The following CNTLN variants were observed in gnomAD, a reference collection of about 807,000 sequenced individuals.
The protein encoded by CNTLN is centlein, also known as centlein, centrosomal protein.
A neutral mutation model predicts 180.0 loss-of-function variants in CNTLN; 212 were observed. The ratio of observed to expected loss-of-function variants is 1.18; its 90% CI spans 1.05 to 1.32. CNTLN has a LOEUF of 1.32. Among genes scored for constraint, CNTLN ranks in the 40% most tolerant of loss-of-function variants. The pLI is 0.00. For synonymous variants in CNTLN, 722 were observed against 563.1 expected (o/e 1.28, Z -3.99); for missense variants, 2,095 against 1,610.9 (o/e 1.30, Z -5.14).
At chr9:17,460,161 G>A (rs1831367489) in intron 19 of CNTLN, among the ~76,000 whole-genome samples, 2 of 151,454 alleles carry the variant, frequency 1.3e-5, no homozygotes, top group African/African-American at 2.4e-5. Context: ...TTACAGTTGA[G>A]AAAACTGAGA....
chr9:17,135,482 G>T, intron 1 of CNTLN, 57 bp downstream of exon 1: 1 of 1,528,882 alleles, frequency 6.5e-7, no homozygotes, highest in South Asian at 1.3e-5. Flanking sequence ...GGGACCCGTG[G>T]GGAGGCGCGC....
intron 5 of CNTLN, among the ~76,000 whole-genome samples, chr9:17,270,987 G>C (rs1827900324): frequency 1.6e-5 from 2 of 126,974 alleles, no homozygotes; most frequent in South Asian, 4.8e-4. Flanking sequence ...GTCTTGCTCT[G>C]TCGCCCAGGC....
At chr9:17,432,650 A>G (rs1225497420) in intron 18 of CNTLN, among the ~76,000 whole-genome samples, 2 of 152,170 alleles carry the variant, frequency 1.3e-5, no homozygotes, top group South Asian at 2.1e-4. Context: ...ACCATAAGAC[A>G]GTAGAACAGA....
chr9:17,363,423 C>T (rs539152428), intron 12 of CNTLN, among the ~76,000 whole-genome samples: 6 of 152,106 alleles, frequency 3.9e-5, no homozygotes, highest in South Asian at 2.1e-4. Flanking sequence ...TTCTAACTGG[C>T]GTGAGATGGT....
chr9:17,440,868 T>C (rs952951977), intron 18 of CNTLN, among the ~76,000 whole-genome samples: 7 of 152,188 alleles, frequency 4.6e-5, no homozygotes, highest in African/African-American at 1.7e-4. Flanking sequence ...ATTCTACTTA[T>C]ATAAAATGTC....
chr9:17,394,577 C>A lies in CNTLN; in HGVS notation c.2123C>A (p.Ser708Ter). The change falls in exon 15 of 26, where the codon TCG (serine) becomes TAG (stop). Residue 708 changes from serine (S) to a stop codon, truncating the protein, a stop_gained. Coordinates refer to ENST00000380647, the MANE Select transcript of CNTLN (RefSeq NM_017738.4). LOFTEE classifies it high-confidence loss of function. ...CGGCTGAAATCTTTTGAGAAAAGGT[C>A]GAGAAAATTAAAAGAAGGGAATAAA... ...ENRLKSFEKR[S>*]RKLKEGNKKL... 2 of 1,589,828 alleles carry A rather than the reference C, an allele frequency of 1.3e-6. No homozygotes were observed. The highest frequency in any genetic ancestry group is 2.3e-5 in the South Asian group (2 of 85,324).
chr9:17,342,451 T>A lies in CNTLN; in HGVS notation c.1886+7T>A. The A allele has an allele frequency of 6.3e-7, 1 of 1,594,026 alleles. No homozygotes were observed. Among genetic ancestry groups the A allele is most frequent in the Non-Finnish European group, 8.5e-7 (1 of 1,173,752 alleles). ...AGGAGCTAATGATTCAAAAGTGAGTTTCATTTTTAACAATATGGACTTAGA... is the reference window on the plus strand; with the variant it reads ...AGGAGCTAATGATTCAAAAGTGAGTATCATTTTTAACAATATGGACTTAGA... On this transcript the variant is annotated splice_region_variant and intron_variant, in intron 12 of 25. Coordinates refer to ENST00000380647, the MANE Select transcript of CNTLN (RefSeq NM_017738.4).
At chr9:17,156,502 C>T (rs1168962122) in intron 2 of CNTLN, among the ~76,000 whole-genome samples, 2 of 152,006 alleles carry the variant, frequency 1.3e-5, no homozygotes, top group Non-Finnish European at 2.9e-5. Context: ...CCATCTTTCT[C>T]TTACTCTTTT....
chr9:17,180,871 T>A (rs1008488897), intron 2 of CNTLN, among the ~76,000 whole-genome samples: 4 of 152,178 alleles, frequency 2.6e-5, no homozygotes, highest in African/African-American at 9.7e-5. Flanking sequence ...AAAAATGCCA[T>A]GCCCCTTCCT....
intron 18 of CNTLN, among the ~76,000 whole-genome samples, chr9:17,451,827 G>C (rs904955786): frequency 6.6e-6 from 1 of 152,076 alleles, no homozygotes; most frequent in Non-Finnish European, 1.5e-5. Flanking sequence ...TTTTTTAAAT[G>C]GTTCATTACT....
intron 8 of CNTLN, among the ~76,000 whole-genome samples, chr9:17,322,873 C>T (rs1454788771): frequency 1.3e-5 from 2 of 152,102 alleles, no homozygotes; most frequent in East Asian, 1.9e-4. Context: ...AAATATAAAA[C>T]CTATGATTGC....
chr9:17,367,229 G>A (rs1003911682), intron 13 of CNTLN, among the ~76,000 whole-genome samples: 2 of 152,128 alleles, frequency 1.3e-5, no homozygotes, highest in South Asian at 2.1e-4. Flanking sequence ...CATTGAACTC[G>A]GTCTTGCCCT....
At chr9:17,444,629 A>G (rs1830298904) in intron 18 of CNTLN, among the ~76,000 whole-genome samples, 2 of 152,216 alleles carry the variant, frequency 1.3e-5, no homozygotes. Flanking sequence ...TGGCTTGATT[A>G]ATAAAAATGG....
At chr9:17,200,968 T>C (rs1361313633) in intron 2 of CNTLN, among the ~76,000 whole-genome samples, 1 of 152,200 alleles carries the variant, frequency 6.6e-6, no homozygotes, top group Non-Finnish European at 1.5e-5. Context: ...GGCTATGGAT[T>C]TGTCATAAAT....
At chr9:17,345,794 T>C (rs1452924793) in intron 12 of CNTLN, among the ~76,000 whole-genome samples, 2 of 152,146 alleles carry the variant, frequency 1.3e-5, no homozygotes, top group Admixed American at 6.5e-5. Flanking sequence ...TCGTCTCTTA[T>C]GTTTACCCAT....
At chr9:17,392,767 A>G (rs1007840318) in intron 14 of CNTLN, among the ~76,000 whole-genome samples, 1 of 152,062 alleles carries the variant, frequency 6.6e-6, no homozygotes. Flanking sequence ...TTAGTAAATT[A>G]ATGTTGATTT....
At chr9:17,144,637 C>T (rs1818322114) in intron 2 of CNTLN, among the ~76,000 whole-genome samples, 1 of 151,340 alleles carries the variant, frequency 6.6e-6, no homozygotes, top group African/African-American at 2.4e-5. Context: ...TTATAATATA[C>T]AGAGTATATA....
At chr9:17,245,030 T>C (rs1189390336) in intron 5 of CNTLN, among the ~76,000 whole-genome samples, 1 of 152,220 alleles carries the variant, frequency 6.6e-6, no homozygotes, top group Non-Finnish European at 1.5e-5. Context: ...ACAGTTATTT[T>C]GGTAGATTTA....
intron 8 of CNTLN, among the ~76,000 whole-genome samples, chr9:17,311,678 G>A (rs543585498): frequency 4.6e-5 from 7 of 152,028 alleles, no homozygotes; most frequent in Middle Eastern, 3.4e-3. Context: ...GCATGGTGGC[G>A]CGTGCCTGTA....
Sources: gnomAD v4.1 joint callset for allele counts (sites outside exome capture counted in the v4.1 genomes callset) on GRCh38, gnomAD v4.1.1 for gene constraint, MANE v1.5 for transcripts, NCBI Gene and HGNC (gene_info 2026-07-23, HGNC 2026-07-21) for gene names.